CYP20A1: variants seen among roughly 807,000 people sequenced by gnomAD.
CYP20A1 encodes the protein cytochrome P450 20A1.
A neutral mutation model predicts 61.4 loss-of-function variants in CYP20A1; 61 were observed. That is an observed-to-expected ratio of 0.99 (90% CI 0.81 to 1.23). The LOEUF (loss-of-function observed/expected upper bound fraction) is 1.23. CYP20A1 is among the 50% of genes most tolerant of loss of function. The pLI is 0.00. For synonymous variants in CYP20A1, 193 were observed against 188.2 expected (o/e 1.03, Z -0.21); for missense variants, 530 against 542.4 (o/e 0.98, Z 0.23).
In CYP20A1 at chr2:203,300,437, T is replaced by G. The variant is rs2068975282; in HGVS notation, c.*3529T>G. ...TGGCCACTTCACTGTCACTGATGGC[T>G]TATAGAATGATTCTAGCAGGACTCA... On this transcript the variant is annotated 3_prime_UTR_variant, in exon 13 of 13. Transcript: ENST00000356079. Among the ~76,000 whole-genome samples the G allele has an allele frequency of 6.6e-6, 1 of 152,196 alleles. No individual in the cohort carries two copies. Among genetic ancestry groups the G allele is most frequent in the Non-Finnish European group, 1.5e-5 (1 of 68,042 alleles).
At chr2:203,264,574 T>G (rs914907150) in intron 4 of CYP20A1, among the ~76,000 whole-genome samples, 1 of 152,154 alleles carries the variant, frequency 6.6e-6, no homozygotes, top group Non-Finnish European at 1.5e-5. Context: ...ATTTTTTTAA[T>G]CCAGCCTATT....
chr2:203,289,940 GTA>G (rs150874350), intron 10 of CYP20A1, 64 bp downstream of exon 10: 9,090 of 570,996 alleles, frequency 0.016, no homozygotes, highest in East Asian at 0.028. Flanking sequence ...GTGTGTGTGT[GTA>G]TATATATATA....
At chr2:203,285,773 T>C (rs763925035) in intron 9 of CYP20A1, 41 bp downstream of exon 9, 12 of 1,483,902 alleles carry the variant, frequency 8.1e-6, no homozygotes, top group African/African-American at 5.7e-5. Context: ...AAAAGGTAAA[T>C]TTGAACTGGT....
At chr2:203,265,018 T>A (rs979519271) in intron 4 of CYP20A1, among the ~76,000 whole-genome samples, 1 of 152,210 alleles carries the variant, frequency 6.6e-6, no homozygotes, top group East Asian at 1.9e-4. Flanking sequence ...CGTGAGCCAC[T>A]GCGCCTGACC....
chr2:203,261,901 G>A (rs1188520233), intron 4 of CYP20A1, among the ~76,000 whole-genome samples: 2 of 152,076 alleles, frequency 1.3e-5, no homozygotes, highest in East Asian at 3.9e-4. Context: ...ACTGTTTTCG[G>A]GGAGTTGGCA....
intron 2 of CYP20A1, among the ~76,000 whole-genome samples, chr2:203,246,162 A>G (rs1230489082): frequency 6.6e-6 from 1 of 152,238 alleles, no homozygotes; most frequent in Non-Finnish European, 1.5e-5. Context: ...AGGACTAGGC[A>G]GACAGATGGA....
chr2:203,303,216 G>A lies in CYP20A1; in HGVS notation c.*6308G>A, dbSNP rs998707773. Reference sequence around the variant, plus strand: ...GACAGGGTTTCACCATGTTGGCCAGGCTGGTCTTGAACTCCTAACCTCAGG... The same window carrying A: ...GACAGGGTTTCACCATGTTGGCCAGACTGGTCTTGAACTCCTAACCTCAGG... On this transcript the variant is annotated 3_prime_UTR_variant, in exon 13 of 13. Coordinates refer to ENST00000356079, the MANE Select transcript of CYP20A1 (RefSeq NM_177538.3). Among the ~76,000 whole-genome samples, 4 of 150,330 alleles carry A rather than the reference G, an allele frequency of 2.7e-5. No homozygotes were observed. The highest frequency in any genetic ancestry group is 6.7e-5 in the Admixed American group (1 of 14,996).
At chr2:203,252,587 G>T (rs2105914021) in intron 4 of CYP20A1, among the ~76,000 whole-genome samples, 1 of 152,056 alleles carries the variant, frequency 6.6e-6, no homozygotes, top group African/African-American at 2.4e-5. Flanking sequence ...TAGAGGCAGG[G>T]TTTCACCATG....
Position 203,266,701 on chromosome 2 carries a change from TA to T in CYP20A1, c.600+24del. On this transcript the variant is annotated intron_variant, in intron 5 of 12. Coordinates refer to ENST00000356079, the MANE Select transcript of CYP20A1 (RefSeq NM_177538.3). Reference sequence around the variant, plus strand: ...GGCACAGTAAGTCTGGGGCTAAATTTAAAATTACTCTTTCAGGCTGGGCACG... The same window carrying T: ...GGCACAGTAAGTCTGGGGCTAAATTTAAATTACTCTTTCAGGCTGGGCACG... 1 of 1,608,490 alleles carries T rather than the reference TA, an allele frequency of 6.2e-7. No individual in the cohort carries two copies. The highest frequency in any genetic ancestry group is 8.5e-7 in the Non-Finnish European group (1 of 1,175,180).
Position 203,299,250 on chromosome 2 carries a change from T to G in CYP20A1, c.*2342T>G, listed in dbSNP as rs1018009262. Among the ~76,000 whole-genome samples the G allele has an allele frequency of 1.3e-5, 2 of 152,144 alleles. No individual in the cohort carries two copies. Among genetic ancestry groups the G allele is most frequent in the Admixed American group, 6.6e-5 (1 of 15,240 alleles). Reference sequence around the variant, plus strand: ...GAAAGGAAGAAAAATGATAATTGTCTGCAAGTGGGCTTATTTTTAACACTG... The same window carrying G: ...GAAAGGAAGAAAAATGATAATTGTCGGCAAGTGGGCTTATTTTTAACACTG... On this transcript the variant is annotated 3_prime_UTR_variant, in exon 13 of 13. Coordinates refer to ENST00000356079, the MANE Select transcript of CYP20A1 (RefSeq NM_177538.3).
rs1311450296 is a variant in CYP20A1 at position 203,291,891 on chromosome 2, A to G, written c.1084-371A>G. On this transcript the variant is annotated intron_variant, in intron 10 of 12. Transcript: ENST00000356079. ...CCCCTTCTTGTGTCCATGTGTTCTC[A>G]TTGTTCACTTCCCACCTATGAGTGA... Among the ~76,000 whole-genome samples the G allele has an allele frequency of 2.6e-5, 4 of 152,112 alleles. No individual in the cohort carries two copies. The East Asian group carries it at 7.7e-4, about 29-fold the overall frequency.
At chr2:203,249,176 G>T (rs1017212231) in intron 3 of CYP20A1, among the ~76,000 whole-genome samples, 3 of 152,136 alleles carry the variant, frequency 2.0e-5, no homozygotes, top group African/African-American at 7.2e-5. Flanking sequence ...TAAAACACAA[G>T]TTAGATAAAT....
Position 203,291,658 on chromosome 2 carries a change from GTTA to G in CYP20A1, c.1084-601_1084-599del, listed in dbSNP as rs540815325. On this transcript the variant is annotated intron_variant, in intron 10 of 12. Coordinates refer to ENST00000356079, the MANE Select transcript of CYP20A1 (RefSeq NM_177538.3). The stretch of plus-strand genomic sequence containing the variant: ...TTTACTGTTGCTTACATTTTTTTTT[GTTA>G]TTGTTTTTTAACTGGATGCAGATTT... 1.3e-4 allele frequency among the ~76,000 whole-genome samples: 19 copies of G among 149,128 alleles called. No individual in the cohort carries two copies. In the South Asian group the frequency reaches 3.6e-3, roughly 28 times the overall value.
chr2:203,245,618 T>C (rs2066435660), intron 1 of CYP20A1, among the ~76,000 whole-genome samples: 1 of 152,112 alleles, frequency 6.6e-6, no homozygotes, highest in Admixed American at 6.6e-5. Flanking sequence ...CCTGTGTTAG[T>C]TTGCTAAAGA....
In CYP20A1 at chr2:203,300,104, A is replaced by G. The variant is rs1479165258; in HGVS notation, c.*3196A>G. The stretch of plus-strand genomic sequence containing the variant: ...AGCAAGTGAGATATGATAAACAATG[A>G]TGAAAGCAAAAATAGGGCAGTTGAA... On this transcript the variant is annotated 3_prime_UTR_variant, in exon 13 of 13. Transcript: ENST00000356079. Among the ~76,000 whole-genome samples, 1 of 152,186 alleles carries G rather than the reference A, an allele frequency of 6.6e-6. No individual in the cohort carries two copies. Among genetic ancestry groups the G allele is most frequent in the Non-Finnish European group, 1.5e-5 (1 of 68,042 alleles).
At chr2:203,290,060 C>A (rs545110877) in intron 10 of CYP20A1, among the ~76,000 whole-genome samples, 184 bp downstream of exon 10, 6 of 152,194 alleles carry the variant, frequency 3.9e-5, no homozygotes, top group Non-Finnish European at 7.4e-5. Flanking sequence ...CCTGTCTCAG[C>A]CTCCCGAGTA....
At chr2:203,283,841 C>G (rs2068150649) in intron 8 of CYP20A1, among the ~76,000 whole-genome samples, 1 of 152,110 alleles carries the variant, frequency 6.6e-6, no homozygotes, top group African/African-American at 2.4e-5. Flanking sequence ...GCCACTGCAT[C>G]CGGCCTGTTA....
At chr2:203,269,082 C>A (rs1386347604) in intron 5 of CYP20A1, among the ~76,000 whole-genome samples, 1 of 152,112 alleles carries the variant, frequency 6.6e-6, no homozygotes, top group Non-Finnish European at 1.5e-5. Flanking sequence ...AAGTATTTTT[C>A]CACCAATATT....
chr2:203,295,376 C>T (rs921701885), intron 11 of CYP20A1, among the ~76,000 whole-genome samples: 1 of 152,086 alleles, frequency 6.6e-6, no homozygotes, highest in Non-Finnish European at 1.5e-5. Flanking sequence ...TGTCCAGCCT[C>T]TCTCACCTAT....
Sources: allele counts gnomAD v4.1 joint callset (sites outside exome capture counted in the v4.1 genomes callset), GRCh38; gene constraint gnomAD v4.1.1; transcripts MANE v1.5; gene names NCBI Gene and HGNC (gene_info 2026-07-23, HGNC 2026-07-21).